LONRF2: variants seen among roughly 807,000 people sequenced by gnomAD.
LONRF2 encodes LON peptidase N-terminal domain and ring finger 2, also known as LON peptidase N-terminal domain and RING finger protein 2.
In LONRF2, 35 loss-of-function variants were observed where a neutral mutation model predicts 66.6. That is an observed-to-expected ratio of 0.53 (90% CI 0.40 to 0.70). The LOEUF is 0.70. Among genes scored for constraint, LONRF2 ranks in the 30% least tolerant of loss-of-function variants. The probability of loss-of-function intolerance (pLI) is 0.00; values close to 1 mark genes in which losing one functional copy is unlikely to be tolerated. For missense variants in LONRF2, 902 were observed against 1,002.1 expected (o/e 0.90, Z 1.35); for synonymous variants, 417 against 418.1 (o/e 1.00, Z 0.03).
intron 2 of LONRF2, among the ~76,000 whole-genome samples, chr2:100,303,938 C>T (rs1675236300): frequency 6.6e-6 from 1 of 152,020 alleles, no homozygotes; most frequent in African/African-American, 2.4e-5. Context: ...ATTCCAATTG[C>T]ACATACGTTG....
intron 5 of LONRF2, 90 bp downstream of exon 5, chr2:100,299,627 G>A: frequency 1.0e-6 from 1 of 988,910 alleles, no homozygotes; most frequent in Non-Finnish European, 1.5e-6. Flanking sequence ...AATATTAAAT[G>A]TTGTAAAAAT....
intron 1 of LONRF2, among the ~76,000 whole-genome samples, chr2:100,319,779 G>A (rs895820315): frequency 1.3e-5 from 2 of 152,018 alleles, no homozygotes; most frequent in Middle Eastern, 3.2e-3. Flanking sequence ...GCACTTTTGG[G>A]GTATCTCTAA....
Position 100,299,336 on chromosome 2 carries a change from T to G in LONRF2, c.1268-17A>C. 2 of 1,492,014 alleles carry G rather than the reference T, an allele frequency of 1.3e-6. No individual in the cohort carries two copies. Among genetic ancestry groups the G allele is most frequent in the South Asian group, 1.3e-5 (1 of 79,678 alleles). 92.4% of individuals were successfully genotyped at this position (1,492,014 alleles called of 1,614,324 possible). On this transcript the variant is annotated splice_polypyrimidine_tract_variant and intron_variant, in intron 5 of 11. Transcript: ENST00000393437. ...GTGAGAGATCTGAATGCGAAAAAAT[T>G]TAAAACGCTGTAATTAACACCTAAG...
chr2:100,308,709 T>C (rs1235265818), intron 2 of LONRF2, among the ~76,000 whole-genome samples: 1 of 152,224 alleles, frequency 6.6e-6, no homozygotes, highest in Admixed American at 6.5e-5. Context: ...ACCAATAGCA[T>C]TGATTTGTTC....
At chr2:100,306,925 C>CTT (rs34262421) in intron 2 of LONRF2, among the ~76,000 whole-genome samples, 2 of 119,990 alleles carry the variant, frequency 1.7e-5, no homozygotes, top group Non-Finnish European at 3.3e-5. Context: ...GAGTCTCGCT[C>CTT]TTTTTTTTTT....
At chr2:100,317,905 A>T (rs1675538928) in intron 1 of LONRF2, among the ~76,000 whole-genome samples, 1 of 152,158 alleles carries the variant, frequency 6.6e-6, no homozygotes, top group Admixed American at 6.5e-5. Flanking sequence ...CAGGAACTTG[A>T]CTATAATGTA....
chr2:100,297,492 T>G (rs1675094745), intron 7 of LONRF2, among the ~76,000 whole-genome samples: 1 of 152,194 alleles, frequency 6.6e-6, no homozygotes, highest in South Asian at 2.1e-4. Flanking sequence ...CTCAGCCCCC[T>G]ACAAGGCAGC....
intron 7 of LONRF2, among the ~76,000 whole-genome samples, chr2:100,296,092 T>C (rs1675060704): frequency 6.6e-6 from 1 of 151,806 alleles, no homozygotes; most frequent in African/African-American, 2.4e-5. Flanking sequence ...AGAGGGACCA[T>C]GGATTAAAGC....
At chr2:100,293,593 G>A (rs1448066449) in intron 9 of LONRF2, among the ~76,000 whole-genome samples, 1 of 152,186 alleles carries the variant, frequency 6.6e-6, no homozygotes, top group Non-Finnish European at 1.5e-5. Context: ...AGTCCACAGA[G>A]GGGAATGACC....
At chr2:100,300,600 A>G (rs1405756030) in intron 4 of LONRF2, 44 bp downstream of exon 4, 2 of 1,557,876 alleles carry the variant, frequency 1.3e-6, no homozygotes, top group African/African-American at 1.4e-5. Context: ...GCCATTATGT[A>G]AAGCTTAATC....
chr2:100,285,096 G>A (rs1196468715), intron 11 of LONRF2, among the ~76,000 whole-genome samples: 1 of 152,326 alleles, frequency 6.6e-6, no homozygotes, highest in Middle Eastern at 3.4e-3. Flanking sequence ...TCATAAACTC[G>A]TTCTCAATAT....
At chr2:100,284,604 T>G (rs1389163705) in intron 11 of LONRF2, 112 bp from the exon 12 acceptor site, 1 of 838,272 alleles carries the variant, frequency 1.2e-6, no homozygotes, top group Non-Finnish European at 1.8e-6. Context: ...AATGCCACCT[T>G]GTATTTTAGG....
At chr2:100,285,313 C>T (rs1674822427) in intron 11 of LONRF2, among the ~76,000 whole-genome samples, 1 of 152,184 alleles carries the variant, frequency 6.6e-6, no homozygotes, top group Admixed American at 6.5e-5. Context: ...GCCCAAGTCA[C>T]TGTGAGGAAG....
At chr2:100,293,651 G>C (rs900357604) in intron 9 of LONRF2, among the ~76,000 whole-genome samples, 1 of 152,204 alleles carries the variant, frequency 6.6e-6, no homozygotes, top group Non-Finnish European at 1.5e-5. Flanking sequence ...AACGAGGGGA[G>C]GTGAAAACCA....
Position 100,282,330 on chromosome 2 carries a change from G to A in LONRF2, c.*1968C>T, listed in dbSNP as rs572878279. 9 of 152,168 alleles carry A rather than the reference G, an allele frequency of 5.9e-5. No individual in the cohort carries two copies. The highest frequency in any genetic ancestry group is 2.2e-4 in the African/African-American group (9 of 41,430). 9.4% of individuals were successfully genotyped at this position (152,168 alleles called of 1,614,324 possible). On this transcript the variant is annotated 3_prime_UTR_variant, in exon 12 of 12. Coordinates refer to ENST00000393437, the MANE Select transcript of LONRF2 (RefSeq NM_198461.4). The stretch of plus-strand genomic sequence containing the variant: ...TACCAGCTTTACTTCAGGAAGGCTC[G>A]TGGAGAAGCTGTGATCACATTGTGG...
At position 100,284,335 on chromosome 2, in the gene LONRF2, C is replaced by CA; in HGVS notation, c.2227_2228insT (p.Arg743LeufsTer6). The CA allele has an allele frequency of 6.3e-7, 1 of 1,576,972 alleles. No individual in the cohort carries two copies. The highest frequency in any genetic ancestry group is 8.6e-7 in the Non-Finnish European group (1 of 1,159,360). On this transcript the variant is annotated frameshift_variant, in exon 12 of 12. Transcript: ENST00000393437. LOFTEE classifies it high-confidence loss of function. ...CTCCCTGGCATTAGCCAGCTCTTGCCGACTATTCATCTTACGCGTGATGAT... is the reference window on the plus strand; with the variant it reads ...CTCCCTGGCATTAGCCAGCTCTTGCCAGACTATTCATCTTACGCGTGATGAT...
intron 1 of LONRF2, among the ~76,000 whole-genome samples, chr2:100,310,067 A>C (rs965300990): frequency 6.6e-6 from 1 of 151,946 alleles, no homozygotes. Flanking sequence ...GGAAAAAAAA[A>C]CTCCTTTCTC....
Position 100,278,881 on chromosome 2 carries a change from C to T in LONRF2, c.*5417G>A, listed in dbSNP as rs1225947969. 6.6e-6 allele frequency: 1 copy of T among 152,166 alleles called. No homozygotes were observed. Among genetic ancestry groups the T allele is most frequent in the South Asian group, 2.1e-4 (1 of 4,822 alleles). 9.4% of individuals were successfully genotyped at this position (152,166 alleles called of 1,614,324 possible). A position where few individuals can be genotyped will look rare whatever the true frequency, so the allele number is the denominator to read the frequency against. ...GTTCTTCCTTTTAATACTGAGGAGT[C>T]CACTAATGCTGATACATGCCCTGCT... On this transcript the variant is annotated 3_prime_UTR_variant, in exon 12 of 12. Transcript: ENST00000393437.
intron 5 of LONRF2, 98 bp from the exon 6 acceptor site, chr2:100,299,417 C>A: frequency 1.4e-6 from 1 of 702,348 alleles, no homozygotes; most frequent in South Asian, 2.5e-5. Context: ...CGTGTTGTAT[C>A]AATGTAACAA....
Sources: gnomAD v4.1 joint callset for allele counts (sites outside exome capture counted in the v4.1 genomes callset) on GRCh38, gnomAD v4.1.1 for gene constraint, MANE v1.5 for transcripts, NCBI Gene and HGNC (gene_info 2026-07-23, HGNC 2026-07-21) for gene names.